The following TECPR1 variants were observed in gnomAD, a reference collection of about 807,000 sequenced individuals.
TECPR1 encodes the protein tectonin beta-propeller repeat containing 1.
A neutral mutation model predicts 162.4 loss-of-function variants in TECPR1; 122 were observed. The ratio of observed to expected loss-of-function variants is 0.75; its 90% CI spans 0.65 to 0.87. TECPR1 has a LOEUF of 0.87. Among genes scored for constraint, TECPR1 ranks in the 40% least tolerant of loss-of-function variants. The pLI is 0.00. For missense variants in TECPR1, 1,432 were observed against 1,618.2 expected, an observed-to-expected ratio of 0.88 and a Z score of 1.97; for synonymous variants, 642 against 670.6, an observed-to-expected ratio of 0.96 and a Z score of 0.66.
rs548539701 is a variant in TECPR1, at chr7:98,231,390, C to T, written c.1975-17G>A. On this transcript the variant is annotated splice_polypyrimidine_tract_variant and intron_variant, in intron 13 of 25. Coordinates refer to ENST00000447648, the MANE Select transcript of TECPR1 (RefSeq NM_015395.3). ...GTGGATGTACTGTTCACAGAACAGGCGCCCGGCAGGGCTGTCACCCAGGGC... is the reference window on the plus strand; with the variant it reads ...GTGGATGTACTGTTCACAGAACAGGTGCCCGGCAGGGCTGTCACCCAGGGC... 2.5e-4 allele frequency: 402 copies of T among 1,580,246 alleles called. 4 individuals carry two copies. In the South Asian group the frequency reaches 4.2e-3, roughly 17 times the overall value.
intron 10 of TECPR1, among the ~76,000 whole-genome samples, chr7:98,234,705 C>CTTTTT (rs34332931): frequency 1.5e-4 from 11 of 73,480 alleles, no homozygotes; most frequent in Non-Finnish European, 2.0e-4. Flanking sequence ...TTGTTATTGT[C>CTTTTT]TTTTTTTTTT....
At chr7:98,220,683 C>T (rs1220878284) in intron 23 of TECPR1, among the ~76,000 whole-genome samples, 13 of 152,094 alleles carry the variant, frequency 8.5e-5, no homozygotes, top group Middle Eastern at 3.4e-3. Flanking sequence ...CTCAGCCTCC[C>T]GATTAGCTTG....
In TECPR1 at chr7:98,225,062, C is replaced by T. The variant is rs763677660; in HGVS notation, c.2554G>A (p.Gly852Arg). 1 of 1,567,822 alleles carries T rather than the reference C, an allele frequency of 6.4e-7. No homozygotes were observed. Residue 852 changes from glycine (G) to arginine (R), a missense_variant, in exon 18 of 26, where the codon GGG (glycine) becomes AGG (arginine). Physicochemically the swap from Gly to Arg is moderately radical, Grantham distance 125 (BLOSUM62 -2). Coordinates refer to ENST00000447648, the MANE Select transcript of TECPR1 (RefSeq NM_015395.3). ...TDRYMWSDAS[G>R]LQECTKAGTK... ...CCAGCCTTCGTGCACTCCTGCAGCC[C>T]CGAGGCATCGCTCCACATGTACCGG...
chr7:98,239,779 C>T (rs1798699306), intron 8 of TECPR1, among the ~76,000 whole-genome samples: 1 of 151,944 alleles, frequency 6.6e-6, no homozygotes, highest in Non-Finnish European at 1.5e-5. Flanking sequence ...CCGTCCATCC[C>T]CCGGGCCAGG....
chr7:98,217,832 A>C, intron 24 of TECPR1, 21 bp from the exon 25 acceptor site: 1 of 1,545,120 alleles, frequency 6.5e-7, no homozygotes, highest in Non-Finnish European at 8.8e-7. Context: ...GACCCCATGA[A>C]GCCCTCAGCC....
chr7:98,243,375 CG>C, intron 6 of TECPR1, 91 bp downstream of exon 6: 2 of 1,522,682 alleles, frequency 1.3e-6, no homozygotes, highest in Admixed American at 3.8e-5. Flanking sequence ...GCCGGGGCTC[CG>C]GGGAGGAGCA....
intron 21 of TECPR1, 53 bp from the exon 22 acceptor site, chr7:98,222,574 C>A (rs1349163176): frequency 1.1e-5 from 17 of 1,537,702 alleles, no homozygotes; most frequent in Non-Finnish European, 1.5e-5. Context: ...ACCCCCAGGG[C>A]CCCACCTCCA....
intron 15 of TECPR1, among the ~76,000 whole-genome samples, chr7:98,229,674 G>C (rs1479052639): frequency 6.6e-6 from 1 of 152,188 alleles, no homozygotes; most frequent in Non-Finnish European, 1.5e-5. Context: ...TGGGTGGGCA[G>C]AGTGCAGGCT....
chr7:98,222,585 G>C lies in TECPR1; in HGVS notation c.2929-64C>G, dbSNP rs1798170164. 6 of 1,528,898 alleles carry C rather than the reference G, an allele frequency of 3.9e-6. No individual in the cohort carries two copies. The Admixed American group carries it at 1.2e-4, about 31-fold the overall frequency. The allele number at this position is 1,528,898 out of a possible 1,614,324, so 94.7% of individuals were successfully genotyped here. On this transcript the variant is annotated intron_variant, in intron 21 of 25. Coordinates refer to ENST00000447648, the MANE Select transcript of TECPR1 (RefSeq NM_015395.3). ...CCCCACCCCCAGGGCCCCACCTCCA[G>C]GACCAGCAGAAATGGGCCTAGCGCG...
At chr7:98,246,707 C>T (rs778243384) in intron 2 of TECPR1, among the ~76,000 whole-genome samples, 1 of 152,034 alleles carries the variant, frequency 6.6e-6, no homozygotes, top group Non-Finnish European at 1.5e-5. Context: ...CTCAGCCTCC[C>T]CAGTAGTTGG....
intron 2 of TECPR1, among the ~76,000 whole-genome samples, chr7:98,248,282 C>A (rs1032420955): frequency 2.0e-5 from 3 of 152,146 alleles, no homozygotes; most frequent in Non-Finnish European, 2.9e-5. Context: ...CCCGACAGGG[C>A]GGCTCCTAGA....
At chr7:98,221,536 A>T in intron 23 of TECPR1, 125 bp downstream of exon 23, 1 of 735,402 alleles carries the variant, frequency 1.4e-6, no homozygotes, top group Non-Finnish European at 2.3e-6. Context: ...CATGTTGGCC[A>T]GGCTGGTCTC....
chr7:98,239,906 C>T (rs546961481), intron 8 of TECPR1, among the ~76,000 whole-genome samples: 2 of 152,026 alleles, frequency 1.3e-5, no homozygotes, highest in Non-Finnish European at 2.9e-5. Flanking sequence ...GTCAGGATAT[C>T]GAGACCATCC....
At chr7:98,233,241 G>A (rs1014381935) in intron 11 of TECPR1, 180 bp downstream of exon 11, 12 of 931,906 alleles carry the variant, frequency 1.3e-5, no homozygotes, top group African/African-American at 1.7e-5. Context: ...GACAGCCTCG[G>A]GCTGGTCTCT....
At position 98,223,055 on chromosome 7, in the gene TECPR1, G is replaced by A. The variant is rs770417289; in HGVS notation, c.2863C>T (p.Leu955Phe). ...GAEGSGHSIALWAVSDKGDVL... is the reference protein window; with the variant it reads ...GAEGSGHSIAFWAVSDKGDVL... ...TCCCCCTTGTCGCTGACGGCCCAGAGGGCGATGCTGTGCCCACTCCCCTCG... is the reference window on the plus strand; with the variant it reads ...TCCCCCTTGTCGCTGACGGCCCAGAAGGCGATGCTGTGCCCACTCCCCTCG... The change falls in exon 21 of 26, where the codon CTC (leucine) becomes TTC (phenylalanine). Residue 955 changes from leucine (L) to phenylalanine (F), a missense_variant. Leu to Phe is a conservative substitution (Grantham distance 22). Transcript: ENST00000447648. 4.4e-6 allele frequency: 7 copies of A among 1,608,258 alleles called. No homozygotes were observed. Among genetic ancestry groups the A allele is most frequent in the Non-Finnish European group, 5.9e-6 (7 of 1,177,950 alleles).
rs1399778816 is a variant in TECPR1, at chr7:98,217,966, C to G, written c.3234G>C (p.Val1078=). 2 of 1,560,868 alleles carry G rather than the reference C, an allele frequency of 1.3e-6. No individual in the cohort carries two copies. Among genetic ancestry groups the G allele is most frequent in the Non-Finnish European group, 1.7e-6 (2 of 1,152,900 alleles). The change falls in exon 24 of 26, where the codon GTG becomes GTC. Residue 1078 remains valine (V), a synonymous_variant. Coordinates refer to ENST00000447648, the MANE Select transcript of TECPR1 (RefSeq NM_015395.3). ...CCAGGGGCCCCACGGACACTCGGCA[C>G]ACGTTGTTGGACACGTGCTCCCAGC... ...GSSWEHVSNN[V]CRVSVGPLDQ...
At chr7:98,224,309 G>T (rs1258574782) in intron 19 of TECPR1, among the ~76,000 whole-genome samples, 3 of 152,174 alleles carry the variant, frequency 2.0e-5, no homozygotes, top group Non-Finnish European at 4.4e-5. Flanking sequence ...CAGGGTCCAG[G>T]GCCTCGTGAC....
intron 16 of TECPR1, 181 bp downstream of exon 16, chr7:98,228,858 G>A: frequency 1.2e-6 from 1 of 800,942 alleles, no homozygotes; most frequent in Non-Finnish European, 1.9e-6. Flanking sequence ...TCAGCTCGAA[G>A]TGGGTACTGG....
chr7:98,217,239 C>A lies in TECPR1; in HGVS notation c.*151G>T, dbSNP rs2116518109. 4.9e-6 allele frequency: 3 copies of A among 606,856 alleles called. No homozygotes were observed. In the South Asian group the frequency reaches 6.0e-5, roughly 12 times the overall value. The allele number at this position is 606,856 out of a possible 1,614,324, so 37.6% of individuals were successfully genotyped here. On this transcript the variant is annotated 3_prime_UTR_variant, in exon 26 of 26. Coordinates refer to ENST00000447648, the MANE Select transcript of TECPR1 (RefSeq NM_015395.3). ...CATTTCAGGGCCGTCTCAGCCAGTG[C>A]CTCTGAAGTGGCCGCAGCCTTGGGG...
Sources: gnomAD v4.1 joint callset for allele counts (sites outside exome capture counted in the v4.1 genomes callset) on GRCh38, gnomAD v4.1.1 for gene constraint, MANE v1.5 for transcripts, NCBI Gene and HGNC (gene_info 2026-07-23, HGNC 2026-07-21) for gene names.